The following FGF14 variants were observed in gnomAD, a reference collection of about 807,000 sequenced individuals.
FGF14 encodes the protein fibroblast growth factor 14, also known as fibroblast growth factor homologous factor 4.
FGF14 carries 5 observed loss-of-function variants against 25.5 expected under a neutral mutation model. The observed-to-expected ratio is 0.20, with a 90% confidence interval of 0.10 to 0.41. The LOEUF (loss-of-function observed/expected upper bound fraction) is 0.41. FGF14 is among the 10% of genes least tolerant of loss of function. The pLI, the probability that FGF14 is intolerant of heterozygous loss-of-function variation, is 1.00. For synonymous variants in FGF14, 138 were observed against 118.3 expected, an observed-to-expected ratio of 1.17 and a Z score of -1.08; for missense variants, 222 against 320.1, an observed-to-expected ratio of 0.69 and a Z score of 2.34.
At chr13:102,353,813 A>G (rs1203678258) in intron 1 of FGF14, among the ~76,000 whole-genome samples, 2 of 152,114 alleles carry the variant, frequency 1.3e-5, no homozygotes, top group African/African-American at 2.4e-5. Context: ...TCCTATTTAA[A>G]ATCCTTCTGT....
intron 1 of FGF14, among the ~76,000 whole-genome samples, chr13:101,881,091 G>C (rs2045683818): frequency 6.6e-6 from 1 of 152,182 alleles, no homozygotes; most frequent in African/African-American, 2.4e-5. Flanking sequence ...GATCATTAAA[G>C]GGAAGGGAGA....
At chr13:102,042,753 T>C (rs967549199) in intron 1 of FGF14, among the ~76,000 whole-genome samples, 3 of 152,230 alleles carry the variant, frequency 2.0e-5, no homozygotes, top group Admixed American at 6.5e-5. Context: ...TAGGAGAATA[T>C]AAAAAACAGA....
intron 3 of FGF14, among the ~76,000 whole-genome samples, chr13:101,758,719 G>A (rs758541906): frequency 2.0e-5 from 3 of 152,102 alleles, no homozygotes; most frequent in Non-Finnish European, 4.4e-5. Context: ...TCCATGAAAG[G>A]ATGTAACATC....
intron 1 of FGF14, among the ~76,000 whole-genome samples, chr13:102,337,449 A>G (rs762804467): frequency 9.2e-5 from 14 of 152,190 alleles, no homozygotes; most frequent in Admixed American, 4.6e-4. Flanking sequence ...CTTATGGATG[A>G]GCAAAGAAAG....
intron 1 of FGF14, among the ~76,000 whole-genome samples, chr13:102,186,594 T>C (rs2048883758): frequency 6.6e-6 from 1 of 152,216 alleles, no homozygotes; most frequent in Non-Finnish European, 1.5e-5. Flanking sequence ...TATGATAGTA[T>C]ACATGCACAC....
In FGF14 at chr13:102,141,412, T is replaced by C. The variant is rs9805621; in HGVS notation, c.208+260059A>G. Among the ~76,000 whole-genome samples, 772 of 152,334 alleles carry C rather than the reference T, an allele frequency of 5.1e-3. 5 individuals carry two copies. Among genetic ancestry groups the C allele is most frequent in the African/African-American group, 0.016 (679 of 41,584 alleles). ...TTTCATGTAGCTTTCTAGTGATACT[T>C]ATCAGTACAAAAACAAGAAACAGTT... On this transcript the variant is annotated intron_variant, in intron 1 of 4. Coordinates refer to the FGF14 transcript ENST00000376131.
chr13:102,122,471 T>C (rs1234415457), intron 1 of FGF14, among the ~76,000 whole-genome samples: 1 of 152,176 alleles, frequency 6.6e-6, no homozygotes, highest in Non-Finnish European at 1.5e-5. Flanking sequence ...ATAGATATTA[T>C]GACAGCGGGA....
At chr13:102,191,868 G>A (rs559006517) in intron 1 of FGF14, among the ~76,000 whole-genome samples, 7 of 152,294 alleles carry the variant, frequency 4.6e-5, no homozygotes, top group Non-Finnish European at 7.4e-5. Flanking sequence ...AGTGGAATAG[G>A]CATGAGATAG....
chr13:102,210,987 C>T (rs1187589688), intron 1 of FGF14, among the ~76,000 whole-genome samples: 2 of 152,126 alleles, frequency 1.3e-5, no homozygotes, highest in Non-Finnish European at 2.9e-5. Context: ...CGAAAGACCC[C>T]TGGGTTCTCT....
chr13:102,257,862 C>T (rs2052526590), intron 1 of FGF14, among the ~76,000 whole-genome samples: 1 of 152,174 alleles, frequency 6.6e-6, no homozygotes, highest in African/African-American at 2.4e-5. Context: ...GCTCTTCAAG[C>T]TGAACTAACC....
chr13:102,357,463 AAT>A (rs2057451642), intron 1 of FGF14, among the ~76,000 whole-genome samples: 2 of 152,304 alleles, frequency 1.3e-5, no homozygotes, highest in South Asian at 4.1e-4. Flanking sequence ...TAAATATTTT[AAT>A]ATTTATTTGT....
At chr13:102,323,957 A>ATGTATG (rs1450436394) in intron 1 of FGF14, among the ~76,000 whole-genome samples, 1,417 of 136,520 alleles carry the variant, frequency 0.01, 10 homozygotes, top group Non-Finnish European at 0.017. Context: ...AACGTGCAGT[A>ATGTATG]TGTGTGTGTG....
chr13:102,173,994 T>C (rs2048344249), intron 1 of FGF14, among the ~76,000 whole-genome samples: 1 of 152,072 alleles, frequency 6.6e-6, no homozygotes, highest in Admixed American at 6.6e-5. Flanking sequence ...AGGAGGAGAA[T>C]GTCAAATTAT....
rs184028427 is a variant in FGF14 at position 101,801,782 on chromosome 13, G to A, written c.408+66943C>T. The A allele has an allele frequency of 2.9e-4, 47 of 164,214 alleles. No individual in the cohort carries two copies. The East Asian group carries it at 4.6e-3, about 16-fold the overall frequency. 10.2% of individuals were successfully genotyped at this position (164,214 alleles called of 1,614,324 possible). ...TAAGAGCTATTTAATTGGTAGAGAG[G>A]GGCCTCTCAGGGAGGCAGCTAGCTC... On this transcript the variant is annotated intron_variant, in intron 3 of 4. Coordinates refer to ENST00000376143, the MANE Select transcript of FGF14 (RefSeq NM_004115.4).
At chr13:101,777,361 A>G (rs560082063) in intron 3 of FGF14, among the ~76,000 whole-genome samples, 15 of 152,288 alleles carry the variant, frequency 9.8e-5, no homozygotes, top group South Asian at 8.3e-4. Flanking sequence ...AGAGCAATTA[A>G]GAATGGCCTT....
At chr13:102,217,923 G>A (rs558541820) in intron 1 of FGF14, among the ~76,000 whole-genome samples, 4 of 152,258 alleles carry the variant, frequency 2.6e-5, no homozygotes, top group African/African-American at 9.6e-5. Context: ...CTCCATCATG[G>A]CTGTGCAGAT....
chr13:102,327,284 C>T (rs920716469), intron 1 of FGF14, among the ~76,000 whole-genome samples: 36 of 152,186 alleles, frequency 2.4e-4, no homozygotes, highest in African/African-American at 8.2e-4. Context: ...CTGTTAGGAT[C>T]CAAGGTGACT....
chr13:101,711,750 G>T lies in FGF14; in HGVS notation c.*11081C>A, dbSNP rs1351834644. The T allele has an allele frequency of 2.6e-5, 4 of 152,174 alleles. No individual in the cohort carries two copies. Among genetic ancestry groups the T allele is most frequent in the African/African-American group, 9.7e-5 (4 of 41,426 alleles). 9.4% of individuals were successfully genotyped at this position (152,174 alleles called of 1,614,324 possible). On this transcript the variant is annotated 3_prime_UTR_variant, in exon 5 of 5. Coordinates refer to ENST00000376143, the MANE Select transcript of FGF14 (RefSeq NM_004115.4). ...CCCTGAAGACACATGAGAAAATGTGGCTGATTCCCCAGGGATGGAAGCCAG... is the reference window on the plus strand; with the variant it reads ...CCCTGAAGACACATGAGAAAATGTGTCTGATTCCCCAGGGATGGAAGCCAG...
chr13:102,001,794 A>G (rs1475716828), intron 1 of FGF14, among the ~76,000 whole-genome samples: 1 of 152,216 alleles, frequency 6.6e-6, no homozygotes, highest in Admixed American at 6.5e-5. Flanking sequence ...AACAGAATAA[A>G]GAATAAAGAG....
Sources: gnomAD v4.1 joint callset for allele counts (sites outside exome capture counted in the v4.1 genomes callset) on GRCh38, gnomAD v4.1.1 for gene constraint, MANE v1.5 for transcripts, NCBI Gene and HGNC (gene_info 2026-07-23, HGNC 2026-07-21) for gene names.